Variants in PRKD2 observed in about 807,000 individuals in gnomAD.
The protein encoded by PRKD2 is protein kinase D2.
Under a neutral mutation model 86.0 loss-of-function variants are expected in PRKD2, and 22 were observed. That is an observed-to-expected ratio of 0.26 (90% CI 0.18 to 0.37). The LOEUF (loss-of-function observed/expected upper bound fraction) is 0.37. PRKD2 is among the 10% of genes least tolerant of loss of function. The probability of loss-of-function intolerance (pLI) is 1.00; values close to 1 mark genes in which losing one functional copy is unlikely to be tolerated. For missense variants in PRKD2, 818 were observed against 1,199.2 expected, an observed-to-expected ratio of 0.68 and a Z score of 4.70; for synonymous variants, 509 against 510.9, an observed-to-expected ratio of 1.00 and a Z score of 0.05.
At chr19:46,686,370 C>A (rs1365683385) in intron 14 of PRKD2, among the ~76,000 whole-genome samples, 1 of 151,636 alleles carries the variant, frequency 6.6e-6, no homozygotes, top group Non-Finnish European at 1.5e-5. Flanking sequence ...TGTAATGGCT[C>A]ATGCCTGTGG....
At chr19:46,682,007 ATTT>A (rs1042375851) in intron 14 of PRKD2, among the ~76,000 whole-genome samples, 1 of 143,196 alleles carries the variant, frequency 7.0e-6, no homozygotes, top group Non-Finnish European at 1.5e-5. Context: ...TGCCCAGCTA[ATTT>A]TTTTTTTTCT....
intron 15 of PRKD2, among the ~76,000 whole-genome samples, chr19:46,680,205 G>GTAC (rs2053275819): frequency 6.6e-6 from 1 of 152,066 alleles, no homozygotes; most frequent in Non-Finnish European, 1.5e-5. Flanking sequence ...CTTTCCTGAG[G>GTAC]TACTCTGCCC....
At chr19:46,710,043 G>A (rs951438133) in intron 3 of PRKD2, among the ~76,000 whole-genome samples, 14 of 151,846 alleles carry the variant, frequency 9.2e-5, no homozygotes, top group African/African-American at 2.9e-4. Flanking sequence ...GACTACAGGC[G>A]TGTGCCACCA....
chr19:46,692,946 T>C (rs1427905000), intron 10 of PRKD2, among the ~76,000 whole-genome samples: 3 of 152,196 alleles, frequency 2.0e-5, no homozygotes, highest in Non-Finnish European at 4.4e-5. Context: ...GTTGCTTGTA[T>C]GGGTTAATGA....
Position 46,678,404 on chromosome 19 carries a change from G to A in PRKD2, c.2330C>T (p.Ser777Leu). 6.2e-7 allele frequency: 1 copy of A among 1,614,100 alleles called. No homozygotes were observed. The highest frequency in any genetic ancestry group is 8.5e-7 in the Non-Finnish European group (1 of 1,180,004). ...AGGCGGGCCCCAGGCACCTCCAGCT[G>A]AGATGTGGCTCCAGGGGCTGGCCGG... ...MYPASPWSHI[S>L]AGAIDLINNL... The change falls in exon 16 of 18, where the codon TCA (serine) becomes TTA (leucine). Residue 777 changes from serine (S) to leucine (L), a missense_variant. Physicochemically the swap from Ser to Leu is moderately radical, Grantham distance 145 (BLOSUM62 -2). Around this residue, in one of 5 missense-constraint regions of PRKD2, gnomAD observed 132 missense variants for 146.2 expected, o/e 0.90. Transcript: ENST00000291281. This position sits in a 1 kb window ranked among gnomAD's most constrained non-coding sequence, Gnocchi z 5.7.
intron 15 of PRKD2, among the ~76,000 whole-genome samples, chr19:46,680,946 A>ATATATATATATATATATATATTTT: frequency 2.7e-3 from 130 of 48,144 alleles, no homozygotes; most frequent in Non-Finnish European, 4.1e-3. Flanking sequence ...ATATATATAT[A>ATATATATATATATATATATATTTT]TTTTTTTTTT....
intron 2 of PRKD2, 44 bp from the exon 3 acceptor site, chr19:46,711,082 C>G (rs1283052960): frequency 6.5e-7 from 1 of 1,538,892 alleles, no homozygotes; most frequent in South Asian, 1.2e-5. Context: ...CGGGGTAGGC[C>G]AAAGCTTTTC....
Position 46,693,905 on chromosome 19 carries a change from C to G in PRKD2, c.1546G>C (p.Ala516Pro). The change falls in exon 10 of 18, where the codon GCA becomes CCA. Residue 516 changes from alanine to proline, a missense_variant. Ala to Pro is a conservative substitution (Grantham distance 27, BLOSUM62 -1). This residue lies in a region of PRKD2 where 154 missense variants were observed against 359.6 expected (regional missense o/e 0.43). Coordinates refer to ENST00000291281, the MANE Select transcript of PRKD2 (RefSeq NM_016457.5). The surrounding 1 kb of genome is among the most constrained non-coding windows in gnomAD (Gnocchi z 4.5). ...GGCGCGTGGCCTGGGGCGCTGGGTGCGTCCTGAAGGATGACGGGCATCAGG... is the reference window on the plus strand; with the variant it reads ...GGCGCGTGGCCTGGGGCGCTGGGTGGGTCCTGAAGGATGACGGGCATCAGG... ...QALMPVILQD[A>P]PSAPGHAPHR... The G allele has an allele frequency of 6.2e-7, 1 of 1,606,738 alleles. No homozygotes were observed.
intron 15 of PRKD2, among the ~76,000 whole-genome samples, chr19:46,679,585 G>C (rs78320072): frequency 1.3e-5 from 2 of 152,046 alleles, no homozygotes; most frequent in Admixed American, 6.6e-5. Flanking sequence ...TGCTGACTGC[G>C]GTAGCTGGCA....
Position 46,690,674 on chromosome 19 carries a change from C to T in PRKD2, c.1735G>A (p.Val579Ile). ...KHRKTGRDVA[V>I]KVIDKLRFPT... ...AAGCGCAGTTTGTCAATGACCTTAA[C>T]TGCCACGTCCCGGCCTGTCTTCCGG... Residue 579 changes from valine (V) to isoleucine (I), a missense_variant, in exon 13 of 18, where the codon GTT (valine) becomes ATT (isoleucine). Physicochemically the swap from Val to Ile is conservative, Grantham distance 29. Coordinates refer to ENST00000291281, the MANE Select transcript of PRKD2 (RefSeq NM_016457.5). 1 of 1,614,186 alleles carries T rather than the reference C, an allele frequency of 6.2e-7. No individual in the cohort carries two copies. The highest frequency in any genetic ancestry group is 8.5e-7 in the Non-Finnish European group (1 of 1,180,038).
chr19:46,716,273 G>T lies in PRKD2; in HGVS notation c.98C>A (p.Pro33Gln). The T allele has an allele frequency of 6.3e-7, 1 of 1,586,934 alleles. No homozygotes were observed. Among genetic ancestry groups the T allele is most frequent in the Non-Finnish European group, 8.6e-7 (1 of 1,167,380 alleles). ...CGGGGCCGGGATCTGGGGCAGTAGCGGTGGCGGCGACTGCAGCTCTAGGCC... is the reference window on the plus strand; with the variant it reads ...CGGGGCCGGGATCTGGGGCAGTAGCTGTGGCGGCGACTGCAGCTCTAGGCC... ...PGGLELQSPP[P>Q]LLPQIPAPGS... The change falls in exon 1 of 18, where the codon CCG (proline) becomes CAG (glutamine). Residue 33 changes from proline to glutamine, a missense_variant. By Grantham distance (76) the Pro-to-Gln change is moderately conservative. Around this residue, in one of 5 missense-constraint regions of PRKD2, gnomAD observed 403 missense variants for 518.6 expected, o/e 0.78. Transcript: ENST00000291281. The surrounding 1 kb of genome is among the most constrained non-coding windows in gnomAD (Gnocchi z 7.9).
Position 46,674,565 on chromosome 19 carries a change from G to A in PRKD2, c.2595C>T (p.Asp865=), listed in dbSNP as rs748096698. The A allele has an allele frequency of 6.8e-6, 11 of 1,609,904 alleles. No homozygotes were observed. Among genetic ancestry groups the A allele is most frequent in the South Asian group, 1.1e-5 (1 of 90,850 alleles). Residue 865 remains aspartate (D), a synonymous_variant, in exon 18 of 18, where the codon GAC becomes GAT. Transcript: ENST00000291281. ...GCTCCGCCAGCCCCTGCATGTCGTG[G>A]TCCTGTGGTGGACAGGCCCCACCGA... ...RDLGGACPPQ[D]HDMQGLAERI... is the part of the protein sequence containing the mutation.
intron 3 of PRKD2, among the ~76,000 whole-genome samples, chr19:46,705,873 T>C (rs995614883): frequency 1.3e-5 from 2 of 152,088 alleles, no homozygotes; most frequent in African/African-American, 4.8e-5. Context: ...TTATTTTATT[T>C]TGTAGAGACA....
intron 2 of PRKD2, among the ~76,000 whole-genome samples, chr19:46,711,955 CT>C (rs1159457138): frequency 6.6e-6 from 1 of 151,678 alleles, no homozygotes; most frequent in Non-Finnish European, 1.5e-5. Context: ...GTAATCCCAG[CT>C]ACTCAGGAGG....
rs2053888781 is a variant in PRKD2 at position 46,716,987 on chromosome 19, C to G, written c.-617G>C. 1.6e-5 allele frequency: 2 copies of G among 124,668 alleles called. No individual in the cohort carries two copies. The highest frequency in any genetic ancestry group is 3.3e-5 in the Non-Finnish European group (2 of 60,234). The allele number at this position is 124,668 out of a possible 1,614,324, so 7.7% of individuals were successfully genotyped here. A position where few individuals can be genotyped will look rare whatever the true frequency, so the allele number is the denominator to read the frequency against. On this transcript the variant is annotated 5_prime_UTR_variant, in exon 1 of 18. Transcript: ENST00000291281. This position sits in a 1 kb window ranked among gnomAD's most constrained non-coding sequence, Gnocchi z 7.9. ...GTTGGAGAAAAGTTCGGTCGGGAGC[C>G]GTGAGGAAGGGGGCGTTGCCGGAGC...
In PRKD2 at chr19:46,716,858, G is replaced by A. The variant is rs2053887321; in HGVS notation, c.-488C>T. On this transcript the variant is annotated 5_prime_UTR_variant, in exon 1 of 18. Coordinates refer to ENST00000291281, the MANE Select transcript of PRKD2 (RefSeq NM_016457.5). This position sits in a 1 kb window ranked among gnomAD's most constrained non-coding sequence, Gnocchi z 7.9. ...GAGTCTCTGAGTCGGGGACCGAGTG[G>A]ATTCCAGAGATAAAGGGGTTCGCAG... is the stretch of plus-strand genomic sequence containing the variant. 6.6e-6 allele frequency: 1 copy of A among 152,492 alleles called. No individual in the cohort carries two copies. The highest frequency in any genetic ancestry group is 1.5e-5 in the Non-Finnish European group (1 of 68,404). 9.4% of individuals were successfully genotyped at this position (152,492 alleles called of 1,614,324 possible).
intron 14 of PRKD2, among the ~76,000 whole-genome samples, chr19:46,682,786 C>T (rs2053328210): frequency 6.7e-6 from 1 of 149,276 alleles, no homozygotes; most frequent in African/African-American, 2.5e-5. Context: ...GCTCACTGCA[C>T]CTCGACCTCC....
At chr19:46,700,678 T>G in intron 7 of PRKD2, 121 bp downstream of exon 7, 2 of 1,329,974 alleles carry the variant, frequency 1.5e-6, no homozygotes, top group South Asian at 3.2e-5. Context: ...AAGGTTTGCC[T>G]CAGGAACTGG....
chr19:46,714,230 G>C (rs916386666), intron 1 of PRKD2: 2 of 1,300,378 alleles, frequency 1.5e-6, no homozygotes, highest in African/African-American at 3.0e-5. Context: ...GTGGCTGGAA[G>C]GGGGAGCTGG....
Sources: allele counts gnomAD v4.1 joint callset (sites outside exome capture counted in the v4.1 genomes callset), GRCh38; gene constraint gnomAD v4.1.1; regional missense constraint gnomAD v4.1.1; non-coding constraint Gnocchi (gnomAD v3.1); transcripts MANE v1.5; gene names NCBI Gene and HGNC (gene_info 2026-07-23, HGNC 2026-07-21).